Variants in RAB11FIP4 observed in about 807,000 individuals in gnomAD.
RAB11FIP4 encodes the protein RAB11 family interacting protein 4.
Under a neutral mutation model 74.3 loss-of-function variants are expected in RAB11FIP4, and 23 were observed. The ratio of observed to expected loss-of-function variants is 0.31; its 90% confidence interval spans 0.22 to 0.44. RAB11FIP4 has a LOEUF of 0.44. Ranked by LOEUF, RAB11FIP4 falls within the 20% of genes least tolerant of loss-of-function variation. The pLI, the probability that RAB11FIP4 is intolerant of heterozygous loss-of-function variation, is 1.00. For missense variants in RAB11FIP4, 630 were observed against 863.9 expected, an observed-to-expected ratio of 0.73 and a Z score of 3.39; for synonymous variants, 360 against 359.9, an observed-to-expected ratio of 1.00 and a Z score of 0.00.
chr17:31,510,272 G>A (rs1405899271), intron 3 of RAB11FIP4, among the ~76,000 whole-genome samples: 1 of 152,204 alleles, frequency 6.6e-6, no homozygotes, highest in Non-Finnish European at 1.5e-5. Context: ...CTGTTGGTTG[G>A]CTGGGAGTGG....
At chr17:31,478,023 G>A (rs900520982) in intron 3 of RAB11FIP4, among the ~76,000 whole-genome samples, 4 of 138,688 alleles carry the variant, frequency 2.9e-5, no homozygotes, top group Admixed American at 1.5e-4. Flanking sequence ...TTGAGACAGA[G>A]TCTCTGTCAC....
At chr17:31,474,242 G>A (rs1484749028) in intron 3 of RAB11FIP4, among the ~76,000 whole-genome samples, 1 of 152,184 alleles carries the variant, frequency 6.6e-6, no homozygotes, top group African/African-American at 2.4e-5. Flanking sequence ...TGGCAACAAT[G>A]TGGGGTGGGG....
intron 3 of RAB11FIP4, among the ~76,000 whole-genome samples, chr17:31,447,277 C>G (rs1343539585): frequency 6.6e-6 from 1 of 152,066 alleles, no homozygotes; most frequent in Admixed American, 6.6e-5. Flanking sequence ...GAGCGTGAGA[C>G]TCCGTCTCAA....
chr17:31,498,471 C>T (rs1567677642), intron 3 of RAB11FIP4, among the ~76,000 whole-genome samples: 2 of 152,174 alleles, frequency 1.3e-5, no homozygotes, highest in Non-Finnish European at 2.9e-5. Flanking sequence ...GTTATAAAAA[C>T]CAAGGGCTCT....
At chr17:31,508,185 G>A (rs911601096) in intron 3 of RAB11FIP4, among the ~76,000 whole-genome samples, 2 of 152,210 alleles carry the variant, frequency 1.3e-5, no homozygotes, top group Admixed American at 1.3e-4. Context: ...AAGTGGCACA[G>A]TGGGGAGAGA....
At chr17:31,409,031 C>T (rs771945087) in intron 1 of RAB11FIP4, among the ~76,000 whole-genome samples, 8 of 152,194 alleles carry the variant, frequency 5.3e-5, no homozygotes, top group South Asian at 2.1e-4. Context: ...TGCACACAGA[C>T]GGCCGCAGAG....
Position 31,523,545 on chromosome 17 carries a change from C to A in RAB11FIP4, c.963C>A (p.Ser321Arg), listed in dbSNP as rs749829787. ...QLMHSSNFSS[S>R]NGSTEDLFRD... ...TGCACAGCAGCAACTTCAGCAGCAGCAATGGCAGCACCGAAGACCTGTTCC... is the reference window on the plus strand; with the variant it reads ...TGCACAGCAGCAACTTCAGCAGCAGAAATGGCAGCACCGAAGACCTGTTCC... The change falls in exon 8 of 15, where the codon AGC becomes AGA. Residue 321 changes from serine (S) to arginine (R), a missense_variant. Transcript: ENST00000621161. 2 of 1,614,136 alleles carry A rather than the reference C, an allele frequency of 1.2e-6. No individual in the cohort carries two copies. The highest frequency in any genetic ancestry group is 8.5e-7 in the Non-Finnish European group (1 of 1,179,996).
chr17:31,528,867 C>T, intron 13 of RAB11FIP4, 89 bp downstream of exon 13: 2 of 1,427,448 alleles, frequency 1.4e-6, no homozygotes, highest in Non-Finnish European at 1.9e-6. Flanking sequence ...TAGGGGAGCC[C>T]AGAGCTGTAG....
chr17:31,522,110 A>G, intron 6 of RAB11FIP4, 61 bp downstream of exon 6: 26 of 1,604,882 alleles, frequency 1.6e-5, no homozygotes, highest in Non-Finnish European at 2.2e-5. Context: ...GCCTGGAGGG[A>G]GAAGCTACGG....
intron 3 of RAB11FIP4, among the ~76,000 whole-genome samples, chr17:31,445,549 TATATATATATATATATATATATATATA>T (rs2071446255): frequency 1.9e-4 from 2 of 10,616 alleles, no homozygotes; most frequent in African/African-American, 5.8e-4. Flanking sequence ...TATATATATA[TATATATATATATATATATATATATATA>T]TATTTTTTTT....
chr17:31,474,303 G>A (rs530791834), intron 3 of RAB11FIP4, among the ~76,000 whole-genome samples: 1 of 152,292 alleles, frequency 6.6e-6, no homozygotes, highest in African/African-American at 2.4e-5. Context: ...GAAGGGAAGA[G>A]GATTGAAGCA....
intron 1 of RAB11FIP4, among the ~76,000 whole-genome samples, chr17:31,393,916 A>G (rs914257181): frequency 6.6e-6 from 1 of 152,076 alleles, no homozygotes; most frequent in African/African-American, 2.4e-5. Flanking sequence ...CACCAGGACT[A>G]TATTAGCCCC....
intron 1 of RAB11FIP4, among the ~76,000 whole-genome samples, chr17:31,421,642 C>T (rs549686749): frequency 2.0e-5 from 3 of 150,352 alleles, no homozygotes; most frequent in East Asian, 4.0e-4. Flanking sequence ...CTGCAAACTT[C>T]GCCTCCTGGG....
intron 1 of RAB11FIP4, among the ~76,000 whole-genome samples, chr17:31,400,365 G>A (rs1344246045): frequency 1.3e-5 from 2 of 152,228 alleles, no homozygotes; most frequent in Non-Finnish European, 2.9e-5. Context: ...CCTGCCCAGG[G>A]GCTTAGAGGC....
chr17:31,500,443 C>T (rs1269076529), intron 3 of RAB11FIP4, among the ~76,000 whole-genome samples: 2 of 152,166 alleles, frequency 1.3e-5, no homozygotes, highest in African/African-American at 4.8e-5. Flanking sequence ...CACGGAGAAA[C>T]TGGTAATATC....
At chr17:31,497,379 A>C (rs577042437) in intron 3 of RAB11FIP4, among the ~76,000 whole-genome samples, 24 of 152,162 alleles carry the variant, frequency 1.6e-4, no homozygotes, top group South Asian at 1.5e-3. Flanking sequence ...CAAAACAAAA[A>C]AAAAACTGCT....
At chr17:31,490,420 A>AG (rs2071985945) in intron 3 of RAB11FIP4, among the ~76,000 whole-genome samples, 1 of 152,056 alleles carries the variant, frequency 6.6e-6, no homozygotes, top group South Asian at 2.1e-4. Flanking sequence ...ATGGGTAAGG[A>AG]GGGGGTGAAG....
intron 3 of RAB11FIP4, among the ~76,000 whole-genome samples, chr17:31,517,064 T>C (rs1030004427): frequency 6.6e-6 from 1 of 151,136 alleles, no homozygotes; most frequent in Admixed American, 6.6e-5. Context: ...AGTTACAAAG[T>C]GATATTCCTA....
At chr17:31,435,100 C>T (rs1028741718) in intron 3 of RAB11FIP4, among the ~76,000 whole-genome samples, 1 of 152,152 alleles carries the variant, frequency 6.6e-6, no homozygotes, top group Admixed American at 6.5e-5. Context: ...GTGGGAGGAG[C>T]ACTTGAGCCC....
Sources: gnomAD v4.1 joint callset for allele counts (sites outside exome capture counted in the v4.1 genomes callset) on GRCh38, gnomAD v4.1.1 for gene constraint, MANE v1.5 for transcripts, NCBI Gene and HGNC (gene_info 2026-07-23, HGNC 2026-07-21) for gene names.